The following RNF17 variants were observed in gnomAD, a reference collection of about 807,000 sequenced individuals.
RNF17 encodes the protein ring finger protein 17.
RNF17 carries 31 observed loss-of-function variants against 200.5 expected under a neutral mutation model. That is an observed-to-expected ratio of 0.15 (90% CI 0.12 to 0.21). RNF17 has a LOEUF of 0.21. Among genes scored for constraint, RNF17 ranks in the 10% least tolerant of loss-of-function variants. The pLI, the probability that RNF17 is intolerant of heterozygous loss-of-function variation, is 1.00. For synonymous variants in RNF17, 606 were observed against 637.8 expected (o/e 0.95, Z 0.75); for missense variants, 1,628 against 1,905.1 (o/e 0.85, Z 2.71).
At chr13:24,884,296 T>C (rs527465159), downstream of RNF17, 834 of 1,614,150 alleles carry the variant, frequency 5.2e-4, 12 homozygotes, top group South Asian at 8.8e-3. Flanking sequence ...GGTTAAACTA[T>C]GGAGGAGAAC....
intron 32 of RNF17, among the ~76,000 whole-genome samples, chr13:24,871,880 C>T (rs975506588): frequency 2.0e-5 from 3 of 151,770 alleles, no homozygotes; most frequent in Non-Finnish European, 4.4e-5. Flanking sequence ...ATCCACCCGC[C>T]TTGGCCTCCT....
Position 24,843,966 on chromosome 13 carries a change from T to A in RNF17, c.2826T>A (p.Leu942=). The change falls in exon 20 of 36, where the codon CTT becomes CTA. Residue 942 remains leucine (L), a synonymous_variant. Transcript: ENST00000255324. ...YVQWLLTENL[L]NSLEEKMIAA... The stretch of plus-strand genomic sequence containing the variant: ...AGTGGTTGTTAACTGAAAACTTACT[T>A]AATAGGTATAATATATATATATAAT... 1 of 1,050,308 alleles carries A rather than the reference T, an allele frequency of 9.5e-7. No individual in the cohort carries two copies. 65.1% of individuals were successfully genotyped at this position (1,050,308 alleles called of 1,614,324 possible).
chr13:24,806,799 TC>T (rs1411665528), intron 15 of RNF17, among the ~76,000 whole-genome samples: 1 of 73,838 alleles, frequency 1.4e-5, no homozygotes, highest in African/African-American at 5.6e-5. Context: ...CCCTCCCCCC[TC>T]CCCCCACCCC....
intron 3 of RNF17, 42 bp from the exon 4 acceptor site, chr13:24,778,253 T>G: frequency 7.5e-7 from 1 of 1,332,726 alleles, no homozygotes; most frequent in Non-Finnish European, 1.1e-6. Context: ...CAGAGAAAGA[T>G]CCTGTCACAA....
At chr13:24,829,106 C>T (rs559046153) in intron 16 of RNF17, among the ~76,000 whole-genome samples, 4 of 152,228 alleles carry the variant, frequency 2.6e-5, no homozygotes, top group Non-Finnish European at 4.4e-5. Context: ...TTTATCTTCT[C>T]CAATTGGGCT....
At chr13:24,849,131 C>T (rs1398155665) in intron 22 of RNF17, among the ~76,000 whole-genome samples, 1 of 152,150 alleles carries the variant, frequency 6.6e-6, no homozygotes, top group Non-Finnish European at 1.5e-5. Context: ...TCAAGTCCAG[C>T]CTGGGCAACA....
rs1318479689 is a variant in RNF17, at chr13:24,800,348, T to C, written c.1590-18T>C. 1 of 1,502,986 alleles carries C rather than the reference T, an allele frequency of 6.7e-7. No homozygotes were observed. The highest frequency in any genetic ancestry group is 9.0e-7 in the Non-Finnish European group (1 of 1,105,638). The allele number at this position is 1,502,986 out of a possible 1,614,324, so 93.1% of individuals were successfully genotyped here. A position where few individuals can be genotyped will look rare whatever the true frequency, so the allele number is the denominator to read the frequency against. The stretch of plus-strand genomic sequence containing the variant: ...TTGAAGCATTATTTTCAATAAATAT[T>C]ACTTGAATTTCTCCTAGAGTTGTTG... On this transcript the variant is annotated intron_variant, in intron 12 of 35. Coordinates refer to ENST00000255324, the MANE Select transcript of RNF17 (RefSeq NM_031277.3).
intron 15 of RNF17, chr13:24,824,222 G>A: frequency 1.4e-6 from 1 of 713,324 alleles, no homozygotes; most frequent in Non-Finnish European, 2.6e-6. Context: ...AGTTGGTTGA[G>A]ACACTTTCTC....
intron 15 of RNF17, among the ~76,000 whole-genome samples, chr13:24,821,934 A>G (rs553375287): frequency 3.5e-4 from 53 of 152,292 alleles, no homozygotes; most frequent in African/African-American, 1.3e-3. Flanking sequence ...TGAGGAGTTT[A>G]GGAGTGGCGG....
intron 15 of RNF17, among the ~76,000 whole-genome samples, chr13:24,811,270 C>A (rs1484542499): frequency 2.0e-5 from 3 of 151,860 alleles, no homozygotes; most frequent in Non-Finnish European, 2.9e-5. Context: ...CCGTCACTTT[C>A]AGGTACACCA....
At chr13:24,818,256 A>G (rs7983199) in intron 15 of RNF17, among the ~76,000 whole-genome samples, 18,846 of 151,908 alleles carry the variant, frequency 0.12, 1,273 homozygotes, top group Admixed American at 0.15. Context: ...TATGATTTCA[A>G]TTTTTTGAAA....
chr13:24,801,019 A>C (rs796947851), intron 13 of RNF17, among the ~76,000 whole-genome samples: 18 of 152,332 alleles, frequency 1.2e-4, no homozygotes, highest in African/African-American at 4.3e-4. Context: ...AGAGCAGAGG[A>C]GTCTGTCTTT....
At chr13:24,849,094 A>G (rs900087267) in intron 22 of RNF17, among the ~76,000 whole-genome samples, 4 of 152,124 alleles carry the variant, frequency 2.6e-5, no homozygotes, top group Non-Finnish European at 4.4e-5. Context: ...GGAGACCAAG[A>G]TGGGAGGATC....
intron 26 of RNF17, 109 bp downstream of exon 26, chr13:24,859,273 A>G: frequency 1.3e-6 from 1 of 799,370 alleles, no homozygotes; most frequent in Non-Finnish European, 1.8e-6. Flanking sequence ...TTTGATGAAA[A>G]TTGTGTAGGA....
chr13:24,813,118 C>T (rs1886937396), intron 15 of RNF17, among the ~76,000 whole-genome samples: 2 of 152,104 alleles, frequency 1.3e-5, no homozygotes, highest in Non-Finnish European at 2.9e-5. Context: ...AATAGCCATT[C>T]CAGTCATCCA....
chr13:24,862,597 A>C, intron 27 of RNF17, 116 bp from the exon 28 acceptor site: 1 of 651,150 alleles, frequency 1.5e-6, no homozygotes, highest in Non-Finnish European at 2.9e-6. Context: ...CTGCTTGTGT[A>C]TTTTGTACTA....
chr13:24,861,896 A>G (rs1893135803), intron 27 of RNF17, among the ~76,000 whole-genome samples: 1 of 152,188 alleles, frequency 6.6e-6, no homozygotes, highest in Non-Finnish European at 1.5e-5. Flanking sequence ...TAATTTATGA[A>G]GAAAAGAGGG....
At chr13:24,849,996 T>C (rs1197099897) in intron 22 of RNF17, among the ~76,000 whole-genome samples, 3 of 152,186 alleles carry the variant, frequency 2.0e-5, no homozygotes. Context: ...CCTGTTCTCT[T>C]GGAGTTTACA....
chr13:24,862,848 T>C, intron 28 of RNF17, 55 bp downstream of exon 28: 1 of 1,012,524 alleles, frequency 9.9e-7, no homozygotes, highest in African/African-American at 1.6e-5. Context: ...ATATTATAAT[T>C]AACATAATTT....
Sources: gnomAD v4.1 joint callset for allele counts (sites outside exome capture counted in the v4.1 genomes callset) on GRCh38, gnomAD v4.1.1 for gene constraint, MANE v1.5 for transcripts, NCBI Gene and HGNC (gene_info 2026-07-23, HGNC 2026-07-21) for gene names.